Variants in VWA3A observed in about 807,000 individuals in gnomAD.
VWA3A encodes von Willebrand factor A domain-containing protein 3A.
Under a neutral mutation model 160.4 loss-of-function variants are expected in VWA3A, and 134 were observed. That is an observed-to-expected ratio of 0.84 (90% CI 0.73 to 0.96). The LOEUF (loss-of-function observed/expected upper bound fraction) is 0.96. Ranked by LOEUF, VWA3A falls within the 40% of genes least tolerant of loss-of-function variation. The pLI is 0.00. For missense variants in VWA3A, 1,310 were observed against 1,447.9 expected (o/e 0.90, Z 1.55); for synonymous variants, 476 against 543.4 (o/e 0.88, Z 1.72).
intron 23 of VWA3A, 57 bp downstream of exon 23, chr16:22,140,301 AT>A: frequency 1.3e-6 from 2 of 1,542,188 alleles, no homozygotes; most frequent in Non-Finnish European, 1.8e-6. Flanking sequence ...CGGCTGAGGC[AT>A]GGGTTAATAA....
At chr16:22,131,302 G>A (rs746640408) in intron 18 of VWA3A, 23 bp downstream of exon 18, 26 of 1,612,372 alleles carry the variant, frequency 1.6e-5, no homozygotes, top group Middle Eastern at 3.4e-4. Flanking sequence ...CAGAGACTTC[G>A]TGGGGCTGTG....
chr16:22,127,385 T>C (rs7195490), intron 17 of VWA3A, among the ~76,000 whole-genome samples: 79,074 of 151,858 alleles, frequency 0.52, 25,031 homozygotes, highest in African/African-American at 0.87. Flanking sequence ...CTCAGCCTCC[T>C]AAAGTGCTGG....
intron 3 of VWA3A, among the ~76,000 whole-genome samples, chr16:22,099,871 T>C (rs907043726): frequency 1.3e-5 from 2 of 152,122 alleles, no homozygotes; most frequent in Non-Finnish European, 2.9e-5. Flanking sequence ...GGTCAGGAGT[T>C]TGAGACCAGC....
intron 21 of VWA3A, among the ~76,000 whole-genome samples, chr16:22,136,510 T>C (rs1440815522): frequency 6.6e-6 from 1 of 152,008 alleles, no homozygotes; most frequent in Non-Finnish European, 1.5e-5. Flanking sequence ...CAGAGGGCAC[T>C]TAGCAAGGCT....
intron 12 of VWA3A, among the ~76,000 whole-genome samples, chr16:22,119,874 G>A (rs549731427): frequency 6.6e-6 from 1 of 151,798 alleles, no homozygotes; most frequent in African/African-American, 2.4e-5. Flanking sequence ...AAAACTTAGC[G>A]AGGCATGGTG....
intron 17 of VWA3A, among the ~76,000 whole-genome samples, chr16:22,128,508 G>A (rs1196264278): frequency 6.6e-6 from 1 of 152,140 alleles, no homozygotes; most frequent in Non-Finnish European, 1.5e-5. Flanking sequence ...CAACCATTGT[G>A]GAAAGCAGTG....
intron 25 of VWA3A, among the ~76,000 whole-genome samples, chr16:22,143,021 G>A (rs532869914): frequency 6.6e-6 from 1 of 151,862 alleles, no homozygotes. Flanking sequence ...GCAGTGGCAC[G>A]CACCTGTACT....
chr16:22,155,523 C>T (rs1292881703), intron 31 of VWA3A, 44 bp from the exon 32 acceptor site: 16 of 1,571,886 alleles, frequency 1.0e-5, no homozygotes, highest in Admixed American at 1.7e-5. Context: ...GGATTTTCAG[C>T]TCCCATCCAG....
At position 22,138,501 on chromosome 16, in the gene VWA3A, G is replaced by C. The variant is rs1258117398; in HGVS notation, c.2281G>C (p.Gly761Arg). The C allele has an allele frequency of 6.2e-7, 1 of 1,613,780 alleles. No homozygotes were observed. Among genetic ancestry groups the C allele is most frequent in the South Asian group, 1.1e-5 (1 of 91,072 alleles). Reference sequence around the variant, plus strand: ...CCCTCCCAGGCCCACCGTCCCCCTGGGGGCCAGAATGGTTTGACTCCCCTC... The same window carrying C: ...CCCTCCCAGGCCCACCGTCCCCCTGCGGGCCAGAATGGTTTGACTCCCCTC... ...LCPPRPTVPL[G>R]ARMSIKDDPD... The change falls in exon 22 of 34, where the codon GGG (glycine) becomes CGG (arginine). Residue 761 changes from glycine (G) to arginine (R), a missense_variant. Coordinates refer to ENST00000389398, the MANE Select transcript of VWA3A (RefSeq NM_173615.5).
chr16:22,095,961 AAT>A (rs1448517563), intron 1 of VWA3A, among the ~76,000 whole-genome samples: 16 of 152,200 alleles, frequency 1.1e-4, no homozygotes, highest in Admixed American at 2.0e-4. Flanking sequence ...CCCCCTCTAG[AAT>A]ATAAGCGCTG....
At chr16:22,101,024 C>T (rs2045401234) in intron 5 of VWA3A, among the ~76,000 whole-genome samples, 1 of 151,310 alleles carries the variant, frequency 6.6e-6, no homozygotes, top group Non-Finnish European at 1.5e-5. Flanking sequence ...TGTCTCTTCC[C>T]ACTTCTAGCC....
chr16:22,115,735 G>A (rs2045619816), intron 9 of VWA3A, among the ~76,000 whole-genome samples: 1 of 151,152 alleles, frequency 6.6e-6, no homozygotes, highest in Non-Finnish European at 1.5e-5. Context: ...TACTTGGGAG[G>A]CTGAGGCAGG....
chr16:22,124,579 A>ATTATT (rs781544839), intron 16 of VWA3A, among the ~76,000 whole-genome samples: 7 of 142,562 alleles, frequency 4.9e-5, no homozygotes, highest in Non-Finnish European at 7.7e-5. Context: ...TTATTATTAG[A>ATTATT]GACAGAGTCT....
At chr16:22,115,575 T>A in intron 9 of VWA3A, 103 bp downstream of exon 9, 1 of 1,314,640 alleles carries the variant, frequency 7.6e-7, no homozygotes, top group Non-Finnish European at 1.0e-6. Context: ...CTCATGCCTG[T>A]AATCCCAGCA....
intron 24 of VWA3A, 80 bp from the exon 25 acceptor site, chr16:22,142,588 C>A: frequency 9.0e-7 from 1 of 1,106,158 alleles, no homozygotes; most frequent in Non-Finnish European, 1.3e-6. Context: ...CCATCTCCAA[C>A]ACTGGGGATC....
At chr16:22,121,397 T>C (rs1598067344) in intron 13 of VWA3A, 117 bp from the exon 14 acceptor site, 5 of 873,562 alleles carry the variant, frequency 5.7e-6, no homozygotes, top group Middle Eastern at 2.7e-4. Flanking sequence ...TGAGTTATGA[T>C]TGTGCCACTG....
At chr16:22,135,306 C>T (rs2046019987) in intron 21 of VWA3A, among the ~76,000 whole-genome samples, 1 of 152,162 alleles carries the variant, frequency 6.6e-6, no homozygotes, top group South Asian at 2.1e-4. Flanking sequence ...GAGCATAACT[C>T]CAGTCTCTGC....
intron 8 of VWA3A, among the ~76,000 whole-genome samples, chr16:22,112,444 GC>G (rs1396281214): frequency 3.9e-5 from 6 of 152,160 alleles, no homozygotes; most frequent in Non-Finnish European, 7.3e-5. Flanking sequence ...TTTGGCCAGG[GC>G]CAGTTGCTCA....
intron 17 of VWA3A, among the ~76,000 whole-genome samples, chr16:22,130,392 G>A (rs185125838): frequency 8.7e-4 from 133 of 152,168 alleles, no homozygotes; most frequent in African/African-American, 3.1e-3. Flanking sequence ...AGAGGGAAGT[G>A]GAGAGAAGTT....
Sources: gnomAD v4.1 joint callset for allele counts (sites outside exome capture counted in the v4.1 genomes callset) on GRCh38, gnomAD v4.1.1 for gene constraint, MANE v1.5 for transcripts, NCBI Gene and HGNC (gene_info 2026-07-23, HGNC 2026-07-21) for gene names.